Variants in TSPAN15 observed in about 807,000 individuals in gnomAD.
TSPAN15 encodes tetraspanin-15.
Under a neutral mutation model 34.5 loss-of-function variants are expected in TSPAN15, and 20 were observed. The observed-to-expected ratio is 0.58, with a 90% CI of 0.41 to 0.84. TSPAN15 has a LOEUF of 0.84. TSPAN15 is among the 40% of genes least tolerant of loss of function. The probability of loss-of-function intolerance (pLI) is 0.00; values close to 1 mark genes in which losing one functional copy is unlikely to be tolerated. For missense variants in TSPAN15, 313 were observed against 386.1 expected, an observed-to-expected ratio of 0.81 and a Z score of 1.59; for synonymous variants, 155 against 153.9, an observed-to-expected ratio of 1.01 and a Z score of -0.05.
the TSPAN15 span, among the ~76,000 whole-genome samples, chr10:69,537,556 C>A: frequency 6.6e-6 from 1 of 152,154 alleles, no homozygotes; most frequent in East Asian, 1.9e-4. Context: ...TGGCTTGTGG[C>A]AGCAGAAATC....
intron 1 of TSPAN15, among the ~76,000 whole-genome samples, chr10:69,463,302 G>A (rs1217794802): frequency 1.3e-5 from 2 of 152,170 alleles, no homozygotes; most frequent in Non-Finnish European, 2.9e-5. Context: ...TGATCTCCAG[G>A]TCAGTGAACT....
At chr10:69,492,117 C>T (rs1841980881) in intron 3 of TSPAN15, among the ~76,000 whole-genome samples, 1 of 152,188 alleles carries the variant, frequency 6.6e-6, no homozygotes, top group African/African-American at 2.4e-5. Flanking sequence ...TTCTAGTCCT[C>T]ACTGGAGCTG....
chr10:69,510,579 C>A (rs1295201251), downstream of TSPAN15, among the ~76,000 whole-genome samples: 1 of 152,176 alleles, frequency 6.6e-6, no homozygotes, highest in Non-Finnish European at 1.5e-5. Flanking sequence ...CTTTCTCTTG[C>A]CTGATTGCCC....
intron 3 of TSPAN15, among the ~76,000 whole-genome samples, chr10:69,492,079 C>T (rs1564612012): frequency 1.3e-5 from 2 of 152,292 alleles, no homozygotes; most frequent in East Asian, 1.9e-4. Context: ...TTGATGTTTG[C>T]TTACTCTTTG....
At chr10:69,503,436 G>T (rs1428334469) in intron 5 of TSPAN15, among the ~76,000 whole-genome samples, 1 of 152,194 alleles carries the variant, frequency 6.6e-6, no homozygotes, top group East Asian at 1.9e-4. Context: ...ACAGCCCTAG[G>T]AGGTGGGTTC....
In TSPAN15 at chr10:69,467,637, AACACACACACACAC is replaced by A. The variant is rs36028041; in HGVS notation, c.96+15972_96+15985del. 1.0e-4 allele frequency among the ~76,000 whole-genome samples: 8 copies of A among 78,210 alleles called. No individual in the cohort carries two copies. The East Asian group carries it at 2.0e-3, about 19-fold the overall frequency. 51.3% of individuals were successfully genotyped at this position (78,210 alleles called of 152,430 possible). A position where few individuals can be genotyped will look rare whatever the true frequency, so the allele number is the denominator to read the frequency against. On this transcript the variant is annotated intron_variant, in intron 1 of 7. Transcript: ENST00000373290. ...TCCTCTAAACAAAACAAAACAAAAC[AACACACACACACAC>A]ACACACACACACACACACACACACC...
At chr10:69,505,226 A>G (rs1241693405) in intron 6 of TSPAN15, among the ~76,000 whole-genome samples, 6 of 152,208 alleles carry the variant, frequency 3.9e-5, no homozygotes, top group Non-Finnish European at 8.8e-5. Flanking sequence ...TAACATAATG[A>G]TCTGAGATAA....
At chr10:69,480,129 C>T (rs1841701444) in intron 1 of TSPAN15, among the ~76,000 whole-genome samples, 1 of 152,152 alleles carries the variant, frequency 6.6e-6, no homozygotes, top group Admixed American at 6.5e-5. Context: ...TAGAAGAAGC[C>T]ACTGACTGCC....
chr10:69,454,410 C>T (rs774900187), intron 1 of TSPAN15, among the ~76,000 whole-genome samples: 2 of 151,710 alleles, frequency 1.3e-5, no homozygotes, highest in Non-Finnish European at 2.9e-5. Context: ...CCCAGCTACT[C>T]GGGAGGCTGA....
chr10:69,526,682 C>T, the TSPAN15 span, among the ~76,000 whole-genome samples: 2 of 142,516 alleles, frequency 1.4e-5, no homozygotes, highest in African/African-American at 5.1e-5. Flanking sequence ...CCCAGCTACT[C>T]AGAAGACTGA....
the TSPAN15 span, among the ~76,000 whole-genome samples, chr10:69,515,824 G>A: frequency 5.4e-4 from 82 of 152,280 alleles, 1 homozygote; most frequent in African/African-American, 1.9e-3. Context: ...TAGGTGGCGC[G>A]GCTGACCCAC....
At chr10:69,530,756 C>T in the TSPAN15 span, among the ~76,000 whole-genome samples, 4 of 133,260 alleles carry the variant, frequency 3.0e-5, no homozygotes, top group Non-Finnish European at 6.4e-5. Flanking sequence ...GGTTGCAGTG[C>T]CCAGCCTAGG....
chr10:69,549,411 G>T, the TSPAN15 span, among the ~76,000 whole-genome samples: 1 of 152,144 alleles, frequency 6.6e-6, no homozygotes, highest in Admixed American at 6.5e-5. Flanking sequence ...TGGGTCTGGG[G>T]CAGGGATAAT....
At chr10:69,481,188 T>G (rs1841727121) in intron 1 of TSPAN15, among the ~76,000 whole-genome samples, 1 of 152,200 alleles carries the variant, frequency 6.6e-6, no homozygotes, top group Non-Finnish European at 1.5e-5. Flanking sequence ...CTGTAGAGGA[T>G]GAGTATGTGT....
chr10:69,543,849 G>GTGTGTGTGTGTC, the TSPAN15 span, among the ~76,000 whole-genome samples: 1 of 25,080 alleles, frequency 4.0e-5, no homozygotes, highest in Non-Finnish European at 9.9e-5. Flanking sequence ...AGGGGAGTGT[G>GTGTGTGTGTGTC]TGTGTGTGTG....
chr10:69,492,777 A>G lies in TSPAN15; in HGVS notation c.358-2817A>G, dbSNP rs1227943. ...CCCTCCTTCCTGCCCTGGGCTTCCC[A>G]CCTTCATCCCACCCTGTTGGCAGCC... On this transcript the variant is annotated intron_variant, in intron 3 of 7. Coordinates refer to ENST00000373290, the MANE Select transcript of TSPAN15 (RefSeq NM_012339.5). Among the ~76,000 whole-genome samples the G allele has an allele frequency of 9.9e-3, 1,512 of 152,154 alleles. 19 individuals carry two copies. Among genetic ancestry groups the G allele is most frequent in the African/African-American group, 0.034 (1,420 of 41,508 alleles).
chr10:69,540,752 C>T, the TSPAN15 span, among the ~76,000 whole-genome samples: 1 of 151,894 alleles, frequency 6.6e-6, no homozygotes, highest in African/African-American at 2.4e-5. Flanking sequence ...GGGATCTGGG[C>T]ATGTGGTTAG....
chr10:69,520,091 G>A, the TSPAN15 span, among the ~76,000 whole-genome samples: 3 of 152,138 alleles, frequency 2.0e-5, no homozygotes, highest in African/African-American at 7.2e-5. Flanking sequence ...ACCATGTAGT[G>A]CAACCATTGC....
chr10:69,465,130 G>A (rs1841356070), intron 1 of TSPAN15, among the ~76,000 whole-genome samples: 1 of 152,244 alleles, frequency 6.6e-6, no homozygotes, highest in Admixed American at 6.5e-5. Context: ...GACATTCTGT[G>A]ATCTGGGTGG....
Sources: allele counts gnomAD v4.1 joint callset (sites outside exome capture counted in the v4.1 genomes callset), GRCh38; gene constraint gnomAD v4.1.1; transcripts MANE v1.5; gene names NCBI Gene and HGNC (gene_info 2026-07-23, HGNC 2026-07-21).